Variants in CAST observed in about 807,000 individuals in gnomAD.
CAST encodes MIR583 host.
Under a neutral mutation model 119.6 loss-of-function variants are expected in CAST, and 76 were observed. That is an observed-to-expected ratio of 0.64 (90% CI 0.53 to 0.77). The LOEUF (loss-of-function observed/expected upper bound fraction) is 0.77. CAST is among the 30% of genes least tolerant of loss of function. The pLI, the probability that CAST is intolerant of heterozygous loss-of-function variation, is 0.00. For missense variants in CAST, 953 were observed against 946.5 expected (o/e 1.01, Z -0.09); for synonymous variants, 319 against 331.6 (o/e 0.96, Z 0.41).
At chr5:96,120,722 TATAATATACATATATATA>T in the CAST span, among the ~76,000 whole-genome samples, 1 of 147,416 alleles carries the variant, frequency 6.8e-6, no homozygotes, top group Non-Finnish European at 1.5e-5. Context: ...ATTATATGTA[TATAATATACATATATATA>T]ATAATATACA....
the CAST span, among the ~76,000 whole-genome samples, chr5:96,264,229 A>G: frequency 6.6e-6 from 1 of 152,196 alleles, no homozygotes; most frequent in Non-Finnish European, 1.5e-5. Flanking sequence ...TCTTAGCGCA[A>G]TATTCACCTG....
chr5:95,974,756 A>C, the CAST span, among the ~76,000 whole-genome samples: 1 of 152,180 alleles, frequency 6.6e-6, no homozygotes, highest in African/African-American at 2.4e-5. Context: ...ATTATTTTAA[A>C]AAGTTTGTTA....
chr5:96,768,060 A>T (rs532097106), intron 29 of CAST, 61 bp downstream of exon 29: 2 of 1,065,046 alleles, frequency 1.9e-6, no homozygotes, highest in East Asian at 2.4e-5. Context: ...GTACATACAT[A>T]TAAGTTTTAT....
intron 1 of CAST, among the ~76,000 whole-genome samples, chr5:96,580,254 A>C (rs942771922): frequency 2.6e-5 from 4 of 152,218 alleles, no homozygotes; most frequent in Non-Finnish European, 5.9e-5. Flanking sequence ...CTTCTACACT[A>C]AAATGTAGAA....
chr5:96,089,130 C>G, the CAST span, among the ~76,000 whole-genome samples: 1 of 149,086 alleles, frequency 6.7e-6, no homozygotes, highest in Non-Finnish European at 1.5e-5. Flanking sequence ...TAAATTTCCC[C>G]TCTTCGCACT....
the CAST span, among the ~76,000 whole-genome samples, chr5:95,966,748 T>G: frequency 6.6e-6 from 1 of 152,186 alleles, no homozygotes; most frequent in Non-Finnish European, 1.5e-5. Context: ...TACTCAGTCT[T>G]CATTAATACC....
the CAST span, among the ~76,000 whole-genome samples, chr5:96,296,230 T>C: frequency 4.2e-3 from 647 of 152,316 alleles, 4 homozygotes; most frequent in African/African-American, 0.014. Flanking sequence ...CCGGCCTGGT[T>C]AGATCCTCTT....
chr5:96,207,336 G>T, the CAST span, among the ~76,000 whole-genome samples: 1 of 151,806 alleles, frequency 6.6e-6, no homozygotes, highest in Non-Finnish European at 1.5e-5. Context: ...TTCCTGTACT[G>T]TGTTGAATAA....
chr5:96,331,025 A>G, the CAST span, among the ~76,000 whole-genome samples: 2 of 152,254 alleles, frequency 1.3e-5, no homozygotes, highest in East Asian at 3.9e-4. Context: ...GTGACCTTAA[A>G]AATAATCTAG....
chr5:96,432,830 C>T, the CAST span: 1 of 1,601,832 alleles, frequency 6.2e-7, no homozygotes, highest in Non-Finnish European at 8.5e-7. Context: ...CCCCTGGGGC[C>T]CCAGAAAGTT....
the CAST span, among the ~76,000 whole-genome samples, chr5:96,035,389 C>CAA: frequency 6.6e-6 from 1 of 151,558 alleles, no homozygotes; most frequent in Non-Finnish European, 1.5e-5. Context: ...AGAACTGTTT[C>CAA]AACGCAATTA....
At chr5:96,013,284 T>A in the CAST span, among the ~76,000 whole-genome samples, 1 of 151,432 alleles carries the variant, frequency 6.6e-6, no homozygotes, top group East Asian at 1.9e-4. Flanking sequence ...TAAATAGACA[T>A]ACATATATAA....
At chr5:96,662,337 C>T (rs1416482871), upstream of CAST, 9 of 1,256,230 alleles carry the variant, frequency 7.2e-6, no homozygotes, top group African/African-American at 1.3e-4. Flanking sequence ...CCCTCCCTCC[C>T]TCTCTCCCTG....
chr5:95,995,642 G>T, the CAST span, among the ~76,000 whole-genome samples: 1 of 152,022 alleles, frequency 6.6e-6, no homozygotes, highest in Non-Finnish European at 1.5e-5. Context: ...CAGACCATTA[G>T]CAGAGGAAAG....
rs375008323 is a variant in CAST at position 96,770,629 on chromosome 5, A to T, written c.2340+27A>T. ...TAAATGGAGCAGTAAATATACTACA[A>T]ATTAGTTTAGCAGTTACACAGAGTA... On this transcript the variant is annotated intron_variant, in intron 30 of 31. Transcript: ENST00000675179. 40 of 1,470,760 alleles carry T rather than the reference A, an allele frequency of 2.7e-5. No homozygotes were observed. In the African/African-American group the frequency reaches 5.4e-4, roughly 20 times the overall value. 91.1% of individuals were successfully genotyped at this position (1,470,760 alleles called of 1,614,324 possible).
At chr5:96,625,497 C>A (rs963437817) in intron 1 of CAST, among the ~76,000 whole-genome samples, 3 of 152,192 alleles carry the variant, frequency 2.0e-5, no homozygotes, top group South Asian at 2.1e-4. Flanking sequence ...TATCTGGAGT[C>A]TTGGGCATTT....
chr5:96,392,980 A>G, the CAST span: 6 of 1,613,484 alleles, frequency 3.7e-6, no homozygotes, highest in East Asian at 6.7e-5. Flanking sequence ...AATATTTCCA[A>G]CTTGGGACCA....
the CAST span, among the ~76,000 whole-genome samples, chr5:96,174,631 CTTTGT>C: frequency 2.0e-5 from 3 of 152,136 alleles, no homozygotes; most frequent in South Asian, 2.1e-4. Context: ...TTTTGTTCTA[CTTTGT>C]TTTAAGAATT....
In CAST at chr5:96,591,403, T is replaced by TA. The variant is rs145129696; in HGVS notation, c.60+61524dup. On this transcript the variant is annotated intron_variant, in intron 1 of 11. Coordinates refer to the CAST transcript ENST00000505143. ...TTCTGTATAAGGCTTGATGTATAGT[T>TA]ACAATGATCTGATTAGTCGAGGTGG... 8.2e-3 allele frequency among the ~76,000 whole-genome samples: 1,244 copies of TA among 152,322 alleles called. 30 individuals are homozygous for TA. Among genetic ancestry groups the TA allele is most frequent in the African/African-American group, 0.029 (1,208 of 41,560 alleles).
Sources: gnomAD v4.1 joint callset for allele counts (sites outside exome capture counted in the v4.1 genomes callset) on GRCh38, gnomAD v4.1.1 for gene constraint, MANE v1.5 for transcripts, NCBI Gene and HGNC (gene_info 2026-07-23, HGNC 2026-07-21) for gene names.